AKAP11: variants seen among roughly 807,000 people sequenced by gnomAD.
AKAP11 encodes A-kinase anchor protein 11.
In AKAP11, 36 loss-of-function variants were observed where a neutral mutation model predicts 146.1. The observed-to-expected ratio is 0.25, with a 90% CI of 0.19 to 0.33. The LOEUF is 0.33. Ranked by LOEUF, AKAP11 falls within the 10% of genes least tolerant of loss-of-function variation. The pLI is 1.00. For synonymous variants in AKAP11, 780 were observed against 786.5 expected (o/e 0.99, Z 0.14); for missense variants, 2,201 against 2,197.0 (o/e 1.00, Z -0.04).
rs771319439 is a variant in AKAP11, at chr13:42,299,922, A to G, written c.1176A>G (p.Gly392=). The change falls in exon 8 of 13, where the codon GGA becomes GGG. Residue 392 remains glycine (G), a synonymous_variant. Coordinates refer to ENST00000025301, the MANE Select transcript of AKAP11 (RefSeq NM_016248.4). The stretch of plus-strand genomic sequence containing the variant: ...CGCAGAGGAAAGGGCACAAACATGG[A>G]AAGTCATGTATGAATCCTCAAAAAT... The part of the protein sequence containing the change: ...KSSQRKGHKH[G]KSCMNPQKFK... 5.0e-5 allele frequency: 81 copies of G among 1,613,850 alleles called. No individual in the cohort carries two copies. Among genetic ancestry groups the G allele is most frequent in the South Asian group, 3.3e-4 (30 of 91,090 alleles).
chr13:42,297,261 A>G, intron 6 of AKAP11, 79 bp downstream of exon 6: 2 of 1,092,292 alleles, frequency 1.8e-6, no homozygotes, highest in African/African-American at 1.6e-5. Flanking sequence ...AAACTTTTAA[A>G]TGCTTGGATG....
Position 42,302,645 on chromosome 13 carries a change from T to G in AKAP11, c.3899T>G (p.Val1300Gly). Residue 1300 changes from valine (V) to glycine (G), a missense_variant, in exon 8 of 13, where the codon GTA becomes GGA. By Grantham distance (109) the Val-to-Gly change is moderately radical. Coordinates refer to ENST00000025301, the MANE Select transcript of AKAP11 (RefSeq NM_016248.4). ...CYADGDEDYK[V>G]EEKLDIEAVV... is the part of the protein sequence containing the mutation. ...GCTGATGGTGACGAAGATTATAAAG[T>G]AGAAGAGAAGTTGGATATAGAGGCT... 4.3e-6 allele frequency: 7 copies of G among 1,614,134 alleles called. No individual in the cohort carries two copies. Among genetic ancestry groups the G allele is most frequent in the Non-Finnish European group, 2.5e-6 (3 of 1,180,024 alleles).
chr13:42,304,676 C>T (rs1960158624), intron 8 of AKAP11, among the ~76,000 whole-genome samples: 1 of 152,100 alleles, frequency 6.6e-6, no homozygotes, highest in Non-Finnish European at 1.5e-5. Flanking sequence ...TTGATTGGTT[C>T]ACAATCTAAG....
chr13:42,277,631 A>T lies in AKAP11; in HGVS notation c.-100+5403A>T, dbSNP rs1190250415. On this transcript the variant is annotated intron_variant, in intron 1 of 12. Coordinates refer to ENST00000025301, the MANE Select transcript of AKAP11 (RefSeq NM_016248.4). ...TTAATTTTGTAAAAAGTCATTAGGT[A>T]AGTGGCCCTATTTTCTATTTGGTGA... is the stretch of plus-strand genomic sequence containing the variant. Among the ~76,000 whole-genome samples the T allele has an allele frequency of 1.3e-5, 2 of 152,216 alleles. 1 individual carries two copies.
intron 5 of AKAP11, 95 bp from the exon 6 acceptor site, chr13:42,296,953 G>A: frequency 9.4e-7 from 1 of 1,067,452 alleles, no homozygotes; most frequent in East Asian, 2.8e-5. Flanking sequence ...TCACTAGCCA[G>A]TAGACCTTAA....
At chr13:42,294,344 G>A (rs1959376928) in intron 4 of AKAP11, among the ~76,000 whole-genome samples, 1 of 152,112 alleles carries the variant, frequency 6.6e-6, no homozygotes, top group Admixed American at 6.6e-5. Context: ...AATACATAGA[G>A]AATATAAATG....
At position 42,300,034 on chromosome 13, in the gene AKAP11, G is replaced by C; in HGVS notation, c.1288G>C (p.Ala430Pro). The C allele has an allele frequency of 6.2e-7, 1 of 1,613,930 alleles. No individual in the cohort carries two copies. The highest frequency in any genetic ancestry group is 8.5e-7 in the Non-Finnish European group (1 of 1,179,836). ...ATCTCCATATGGTAACCTGTGTGAT[G>C]CTCCGGATTCTCCTCGCCCAGTGAA... ...PESPYGNLCD[A>P]PDSPRPVKAS... is the part of the protein sequence containing the mutation. The change falls in exon 8 of 13, where the codon GCT (alanine) becomes CCT (proline). Residue 430 changes from alanine (A) to proline (P), a missense_variant. This residue lies in a region of AKAP11 where 1,867 missense variants were observed against 1,833.5 expected (regional missense o/e 1.02). Transcript: ENST00000025301.
upstream of AKAP11, among the ~76,000 whole-genome samples, chr13:42,271,607 G>C (rs2138359838): frequency 6.6e-6 from 1 of 152,336 alleles, no homozygotes; most frequent in East Asian, 1.9e-4. Flanking sequence ...AAGGAGCCCA[G>C]CTGGCCCCAG....
chr13:42,289,844 T>G (rs1346951428), intron 3 of AKAP11, among the ~76,000 whole-genome samples: 1 of 152,140 alleles, frequency 6.6e-6, no homozygotes, highest in African/African-American at 2.4e-5. Flanking sequence ...GAAAACAAAA[T>G]TGTTTAAAAT....
At chr13:42,304,868 A>C (rs536348293) in intron 8 of AKAP11, among the ~76,000 whole-genome samples, 1 of 151,986 alleles carries the variant, frequency 6.6e-6, no homozygotes, top group Admixed American at 6.6e-5. Context: ...CCTGTGCCTC[A>C]GCCTCCCTAG....
Position 42,302,538 on chromosome 13 carries a change from A to G in AKAP11, c.3792A>G (p.Ala1264=), listed in dbSNP as rs767969545. The change falls in exon 8 of 13, where the codon GCA becomes GCG. Residue 1264 remains alanine (A), a synonymous_variant. Transcript: ENST00000025301. ...TATGCAATTTTGCGGGTGATCTGGC[A>G]GCAGAAGTCATTACAGAAGCTGAGA... The part of the protein sequence containing the change: ...KTLCNFAGDL[A]AEVITEAEKI... 3.1e-6 allele frequency: 5 copies of G among 1,614,184 alleles called. No individual in the cohort carries two copies. The highest frequency in any genetic ancestry group is 4.2e-6 in the Non-Finnish European group (5 of 1,180,024).
intron 8 of AKAP11, among the ~76,000 whole-genome samples, chr13:42,304,490 A>G (rs1308238284): frequency 2.0e-5 from 3 of 152,208 alleles, no homozygotes; most frequent in Non-Finnish European, 4.4e-5. Flanking sequence ...TCCCCCATGG[A>G]TAAGGGGGGA....
chr13:42,287,864 A>G (rs928419020), intron 3 of AKAP11, among the ~76,000 whole-genome samples: 5 of 152,230 alleles, frequency 3.3e-5, no homozygotes, highest in African/African-American at 1.2e-4. Flanking sequence ...CCTGACTTGA[A>G]TATTTACCCC....
At chr13:42,314,757 C>T (rs1350266652) in intron 11 of AKAP11, among the ~76,000 whole-genome samples, 2 of 152,090 alleles carry the variant, frequency 1.3e-5, no homozygotes, top group Admixed American at 1.3e-4. Flanking sequence ...TCCAGTGCTT[C>T]ACTCACGCAT....
Position 42,302,577 on chromosome 13 carries a change from C to T in AKAP11, c.3831C>T (p.Val1277=), listed in dbSNP as rs758354959. 5.0e-6 allele frequency: 8 copies of T among 1,614,020 alleles called. No homozygotes were observed. Among genetic ancestry groups the T allele is most frequent in the Middle Eastern group, 1.6e-4 (1 of 6,062 alleles). ...VITEAEKIAK[V]RNCMLFKQKK... ...CAGAAGCTGAGAAAATAGCAAAAGT[C>T]CGAAATTGTATGCTTTTCAAGCAAA... Residue 1277 remains valine, a synonymous_variant, in exon 8 of 13, where the codon GTC becomes GTT. Transcript: ENST00000025301.
rs1959465386 is a variant in AKAP11 at position 42,295,611 on chromosome 13, G to A, written c.169-84G>A. 5.4e-6 allele frequency: 7 copies of A among 1,305,716 alleles called. No homozygotes were observed. The South Asian group carries it at 8.4e-5, about 16-fold the overall frequency. 80.9% of individuals were successfully genotyped at this position (1,305,716 alleles called of 1,614,324 possible). ...CAGACAGCATTTTAATGCTTTGTCT[G>A]TTTTTTCCTGTTTGTCAGCTCTGTC... On this transcript the variant is annotated intron_variant, in intron 4 of 12. Coordinates refer to ENST00000025301, the MANE Select transcript of AKAP11 (RefSeq NM_016248.4).
rs775005544 is a variant in AKAP11 at position 42,303,896 on chromosome 13, T to C, written c.5117+33T>C. On this transcript the variant is annotated intron_variant, in intron 8 of 12. Coordinates refer to ENST00000025301, the MANE Select transcript of AKAP11 (RefSeq NM_016248.4). ...TCACGTTTCTTTTGGTTGTTAATGATAAATTAAAAAGATAAATGTGATCCT... is the reference window on the plus strand; with the variant it reads ...TCACGTTTCTTTTGGTTGTTAATGACAAATTAAAAAGATAAATGTGATCCT... The C allele has an allele frequency of 1.0e-5, 16 of 1,528,780 alleles. No homozygotes were observed. In the African/African-American group the frequency reaches 2.1e-4, roughly 20 times the overall value. 94.7% of individuals were successfully genotyped at this position (1,528,780 alleles called of 1,614,324 possible). A position where few individuals can be genotyped will look rare whatever the true frequency, so the allele number is the denominator to read the frequency against.
At chr13:42,297,368 G>A (rs556661405) in intron 6 of AKAP11, among the ~76,000 whole-genome samples, 186 bp downstream of exon 6, 58 of 151,756 alleles carry the variant, frequency 3.8e-4, no homozygotes, top group Non-Finnish European at 6.2e-4. Context: ...AATAATTTTG[G>A]TCATATCTTA....
intron 3 of AKAP11, among the ~76,000 whole-genome samples, chr13:42,287,635 A>G (rs1004030661): frequency 2.8e-4 from 42 of 152,280 alleles, no homozygotes; most frequent in African/African-American, 1.0e-3. Flanking sequence ...AATTACCTTT[A>G]AATTTAATAG....
Sources: gnomAD v4.1 joint callset for allele counts (sites outside exome capture counted in the v4.1 genomes callset) on GRCh38, gnomAD v4.1.1 for gene constraint, gnomAD v4.1.1 regional missense constraint, MANE v1.5 for transcripts, NCBI Gene and HGNC (gene_info 2026-07-23, HGNC 2026-07-21) for gene names.